Variants in ATP8B1 observed in about 807,000 individuals in gnomAD.
The protein encoded by ATP8B1 is ATPase phospholipid transporting 8B1, also known as phospholipid-transporting ATPase IC.
In ATP8B1, 80 loss-of-function variants were observed where a neutral mutation model predicts 149.9. The ratio of observed to expected loss-of-function variants is 0.53; its 90% confidence interval spans 0.45 to 0.64. ATP8B1 has a LOEUF of 0.64. Among genes scored for constraint, ATP8B1 ranks in the 30% least tolerant of loss-of-function variants. The probability of loss-of-function intolerance (pLI) is 0.00; values close to 1 mark genes in which losing one functional copy is unlikely to be tolerated. For missense variants in ATP8B1, 1,247 were observed against 1,552.6 expected (o/e 0.80, Z 3.31); for synonymous variants, 536 against 562.8 (o/e 0.95, Z 0.67).
At chr18:57,720,005 G>A (rs970076788) in intron 2 of ATP8B1, among the ~76,000 whole-genome samples, 15 of 152,082 alleles carry the variant, frequency 9.9e-5, no homozygotes, top group Non-Finnish European at 2.1e-4. Flanking sequence ...TCACACGGCA[G>A]GGTATTCCAA....
At chr18:57,724,418 A>G (rs1206066077) in intron 2 of ATP8B1, among the ~76,000 whole-genome samples, 1 of 145,072 alleles carries the variant, frequency 6.9e-6, no homozygotes, top group African/African-American at 2.5e-5. Flanking sequence ...AAAACAAACA[A>G]CCCCATCAAA....
intron 1 of ATP8B1, among the ~76,000 whole-genome samples, chr18:57,777,736 T>C (rs566408295): frequency 6.6e-6 from 1 of 152,214 alleles, no homozygotes; most frequent in East Asian, 1.9e-4. Flanking sequence ...GCCCAGCTAA[T>C]TTTTTGTAGT....
chr18:57,656,983 T>C (rs1910048219), intron 22 of ATP8B1, among the ~76,000 whole-genome samples: 1 of 152,056 alleles, frequency 6.6e-6, no homozygotes, highest in Non-Finnish European at 1.5e-5. Context: ...ATAAATTTAC[T>C]TTTTTCTTTT....
Position 57,802,055 on chromosome 18 carries a change from C to CT in ATP8B1, c.-26+942_-26+943insA, listed in dbSNP as rs531112554. 2.3e-5 allele frequency: 1 copy of CT among 43,316 alleles called. No homozygotes were observed. The highest frequency in any genetic ancestry group is 3.7e-5 in the Non-Finnish European group (1 of 27,396). 2.7% of individuals were successfully genotyped at this position (43,316 alleles called of 1,614,324 possible). Reference sequence around the variant, plus strand: ...TCACGGATCTGCGCTCCGAGCACCGCCCCCCCCCGCAACCAGCCACCAACC... The same window carrying CT: ...TCACGGATCTGCGCTCCGAGCACCGCTCCCCCCCCGCAACCAGCCACCAACC... On this transcript the variant is annotated intron_variant, in intron 1 of 27. Transcript: ENST00000648908. The surrounding 1 kb of genome is among the most constrained non-coding windows in gnomAD (Gnocchi z 4.9).
chr18:57,720,929 G>A (rs2079639122), intron 2 of ATP8B1, among the ~76,000 whole-genome samples: 1 of 150,034 alleles, frequency 6.7e-6, no homozygotes, highest in Admixed American at 6.7e-5. Flanking sequence ...AGAAGAGAGT[G>A]GGGGCCAGTA....
chr18:57,667,886 G>A lies in ATP8B1; in HGVS notation c.2209+543C>T, dbSNP rs571885172. On this transcript the variant is annotated intron_variant, in intron 19 of 27. Coordinates refer to ENST00000648908, the MANE Select transcript of ATP8B1 (RefSeq NM_001374385.1). ...TTTGCAGAGTGTGTAACCCGTTGAC[G>A]ATTTCAGCGCAAGAGACATTATTTG... The A allele has an allele frequency of 8.2e-5, 22 of 269,060 alleles. No individual in the cohort carries two copies. The South Asian group carries it at 9.0e-4, about 11-fold the overall frequency. The allele number at this position is 269,060 out of a possible 1,614,324, so 16.7% of individuals were successfully genotyped here.
At chr18:57,739,545 G>T (rs1177512959) in intron 1 of ATP8B1, among the ~76,000 whole-genome samples, 20 of 152,180 alleles carry the variant, frequency 1.3e-4, no homozygotes, top group Admixed American at 1.2e-3. Context: ...AGTTGACACT[G>T]AAAGATCTGG....
chr18:57,687,237 CTCCCAAT>C (rs1568196220), intron 13 of ATP8B1, among the ~76,000 whole-genome samples: 1 of 152,198 alleles, frequency 6.6e-6, no homozygotes, highest in East Asian at 1.9e-4. Context: ...TAAACAGTAA[CTCCCAAT>C]TCCCCTGACT....
intron 1 of ATP8B1, among the ~76,000 whole-genome samples, chr18:57,760,938 G>T (rs996727012): frequency 2.0e-5 from 3 of 151,758 alleles, no homozygotes; most frequent in African/African-American, 7.3e-5. Flanking sequence ...GCAGTGAGCC[G>T]AGATCGCACC....
intron 1 of ATP8B1, among the ~76,000 whole-genome samples, chr18:57,763,720 G>A (rs1386971636): frequency 6.6e-6 from 1 of 151,506 alleles, no homozygotes; most frequent in African/African-American, 2.4e-5. Context: ...GGGGCGGGGG[G>A]ATGAAGCTTT....
At chr18:57,708,257 C>A (rs1423915525) in intron 2 of ATP8B1, among the ~76,000 whole-genome samples, 1 of 149,474 alleles carries the variant, frequency 6.7e-6, no homozygotes, top group Non-Finnish European at 1.5e-5. Context: ...CACTATTGAA[C>A]ATTTTTCTCG....
chr18:57,761,097 A>AAAAAT (rs1568059266), intron 1 of ATP8B1, among the ~76,000 whole-genome samples: 2 of 96,786 alleles, frequency 2.1e-5, no homozygotes, highest in East Asian at 2.4e-4. Flanking sequence ...AAATAAAATA[A>AAAAAT]AAAATAAAAT....
At chr18:57,749,844 C>G (rs538015133) in intron 1 of ATP8B1, among the ~76,000 whole-genome samples, 1 of 152,188 alleles carries the variant, frequency 6.6e-6, no homozygotes, top group East Asian at 1.9e-4. Flanking sequence ...CTGGCCTCAA[C>G]TTGCTATTTT....
At chr18:57,790,191 A>G (rs2080449414) in intron 1 of ATP8B1, among the ~76,000 whole-genome samples, 1 of 151,686 alleles carries the variant, frequency 6.6e-6, no homozygotes, top group African/African-American at 2.4e-5. Context: ...CCTACCTTCC[A>G]GTTCTCATCC....
intron 1 of ATP8B1, among the ~76,000 whole-genome samples, chr18:57,749,591 A>C (rs1036332097): frequency 6.6e-6 from 1 of 152,214 alleles, no homozygotes; most frequent in Non-Finnish European, 1.5e-5. Context: ...ATTTAGGTGA[A>C]GACACCCTAT....
chr18:57,695,897 A>G (rs1214677754), intron 8 of ATP8B1, among the ~76,000 whole-genome samples: 3 of 152,238 alleles, frequency 2.0e-5, no homozygotes, highest in African/African-American at 7.2e-5. Context: ...TCTATAACAC[A>G]TATTTGTTAC....
At chr18:57,773,201 TAAAAAAAAA>T (rs34028925) in intron 1 of ATP8B1, among the ~76,000 whole-genome samples, 1 of 139,446 alleles carries the variant, frequency 7.2e-6, no homozygotes, top group Admixed American at 7.3e-5. Flanking sequence ...GACTCTGTCT[TAAAAAAAAA>T]AAAAAAAAGA....
chr18:57,744,606 G>A (rs1406581550), intron 1 of ATP8B1, among the ~76,000 whole-genome samples: 4 of 152,090 alleles, frequency 2.6e-5, no homozygotes, highest in African/African-American at 9.7e-5. Flanking sequence ...TTAGTTGTTA[G>A]GGACAATGGC....
At chr18:57,708,410 G>A (rs1441819115) in intron 2 of ATP8B1, 2 of 152,114 alleles carry the variant, frequency 1.3e-5, no homozygotes, top group East Asian at 3.8e-4. Context: ...CATAAGCACT[G>A]TAATCACATA....
Sources: gnomAD v4.1 joint callset for allele counts (sites outside exome capture counted in the v4.1 genomes callset) on GRCh38, gnomAD v4.1.1 for gene constraint, Gnocchi (gnomAD v3.1) non-coding constraint, MANE v1.5 for transcripts, NCBI Gene and HGNC (gene_info 2026-07-23, HGNC 2026-07-21) for gene names.